HUNK: variants seen among roughly 807,000 people sequenced by gnomAD.
HUNK encodes hormonally up-regulated Neu-associated kinase, also known as hormonally up-regulated neu tumor-associated kinase.
A neutral mutation model predicts 61.0 loss-of-function variants in HUNK; 21 were observed. That is an observed-to-expected ratio of 0.34 (90% CI 0.24 to 0.50). The LOEUF (loss-of-function observed/expected upper bound fraction) is 0.50, where lower values mean the gene tolerates loss of function less well. HUNK is among the 20% of genes least tolerant of loss of function. The probability of loss-of-function intolerance (pLI) is 0.98; values close to 1 mark genes in which losing one functional copy is unlikely to be tolerated. For synonymous variants in HUNK, 371 were observed against 386.1 expected, an observed-to-expected ratio of 0.96 and a Z score of 0.46; for missense variants, 772 against 945.7, an observed-to-expected ratio of 0.82 and a Z score of 2.41.
At chr21:31,886,475 G>A (rs916514623) in intron 1 of HUNK, among the ~76,000 whole-genome samples, 9 of 151,744 alleles carry the variant, frequency 5.9e-5, no homozygotes, top group Admixed American at 2.6e-4. Context: ...GAGGTACTGG[G>A]GTTAGGACTC....
chr21:31,970,637 C>A (rs1042757315), intron 6 of HUNK, among the ~76,000 whole-genome samples: 17 of 152,104 alleles, frequency 1.1e-4, no homozygotes, highest in Admixed American at 7.9e-4. Flanking sequence ...ATGTAATCAC[C>A]GCCTAAATGA....
At chr21:31,966,956 C>T (rs1347891469) in intron 5 of HUNK, among the ~76,000 whole-genome samples, 2 of 152,178 alleles carry the variant, frequency 1.3e-5, no homozygotes, top group Admixed American at 6.5e-5. Flanking sequence ...ACAACTCAAG[C>T]AAGACAGACC....
At chr21:31,954,346 C>T (rs755141874) in intron 4 of HUNK, among the ~76,000 whole-genome samples, 2 of 152,152 alleles carry the variant, frequency 1.3e-5, no homozygotes, top group African/African-American at 2.4e-5. Flanking sequence ...AGAACGTTCT[C>T]GATAACTGTG....
At chr21:31,947,864 C>T (rs1022470577) in intron 4 of HUNK, among the ~76,000 whole-genome samples, 1 of 152,164 alleles carries the variant, frequency 6.6e-6, no homozygotes, top group African/African-American at 2.4e-5. Flanking sequence ...GAGAAAGACT[C>T]GTTTGCGTGA....
intron 1 of HUNK, among the ~76,000 whole-genome samples, chr21:31,903,997 C>CTACTAAAGAAATCACAG (rs2052487957): frequency 1.3e-5 from 2 of 152,080 alleles, no homozygotes; most frequent in Admixed American, 1.3e-4. Flanking sequence ...AAAGAAATAG[C>CTACTAAAGAAATCACAG]CCACTTGCTG....
At chr21:31,959,311 A>T (rs1416326616) in intron 5 of HUNK, among the ~76,000 whole-genome samples, 2 of 152,070 alleles carry the variant, frequency 1.3e-5, no homozygotes, top group Non-Finnish European at 2.9e-5. Context: ...CCATCTTATG[A>T]TGCTGACTTG....
chr21:31,935,061 G>C (rs553631132), intron 2 of HUNK, among the ~76,000 whole-genome samples: 6 of 152,230 alleles, frequency 3.9e-5, no homozygotes, highest in African/African-American at 1.2e-4. Context: ...TTTGATCACT[G>C]TTGAGTAGCT....
intron 9 of HUNK, among the ~76,000 whole-genome samples, chr21:31,994,521 G>A (rs1481148733): frequency 6.6e-6 from 1 of 152,202 alleles, no homozygotes; most frequent in Admixed American, 6.5e-5. Context: ...GGGCAAAAAT[G>A]TGAAAAAGAA....
Position 31,943,457 on chromosome 21 carries a change from G to A in HUNK, c.611-2579G>A, listed in dbSNP as rs190341645. ...CAGACCCATGTGACATTGCTGGGAG[G>A]TGGCCTTCTCTCAAGTTCCACAATT... On this transcript the variant is annotated intron_variant, in intron 3 of 10. Transcript: ENST00000270112. Among the ~76,000 whole-genome samples, 109 of 152,316 alleles carry A rather than the reference G, an allele frequency of 7.2e-4. 2 individuals carry two copies. Among genetic ancestry groups the A allele is most frequent in the Middle Eastern group, 6.8e-3 (2 of 294 alleles).
At chr21:31,900,880 A>G (rs1024734859) in intron 1 of HUNK, among the ~76,000 whole-genome samples, 4 of 152,094 alleles carry the variant, frequency 2.6e-5, no homozygotes, top group African/African-American at 9.7e-5. Context: ...ACCTTAGAAC[A>G]ACGGAAACTG....
intron 3 of HUNK, among the ~76,000 whole-genome samples, chr21:31,944,959 A>C (rs2052792202): frequency 6.6e-6 from 1 of 152,232 alleles, no homozygotes; most frequent in Admixed American, 6.5e-5. Flanking sequence ...CAACGTTCCT[A>C]ATGGTCATGT....
chr21:31,987,343 G>A (rs1431530173), intron 8 of HUNK, among the ~76,000 whole-genome samples: 3 of 152,174 alleles, frequency 2.0e-5, no homozygotes, highest in African/African-American at 7.2e-5. Context: ...TTCCTGCCTC[G>A]TGCTTTGCAT....
At chr21:31,914,321 T>C (rs968250893) in intron 1 of HUNK, among the ~76,000 whole-genome samples, 44 of 140,578 alleles carry the variant, frequency 3.1e-4, no homozygotes, top group African/African-American at 1.0e-3. Context: ...GGCAGGAGAA[T>C]CGCTTGAACC....
intron 1 of HUNK, among the ~76,000 whole-genome samples, chr21:31,911,874 T>G (rs1817384562): frequency 6.6e-6 from 1 of 152,064 alleles, no homozygotes; most frequent in South Asian, 2.1e-4. Context: ...AGTCACACTT[T>G]TAGGAAGTGA....
intron 1 of HUNK, among the ~76,000 whole-genome samples, chr21:31,877,240 G>T (rs2052270273): frequency 6.6e-6 from 1 of 152,176 alleles, no homozygotes; most frequent in African/African-American, 2.4e-5. Context: ...GTGTGTGTGT[G>T]TGTGTAGCGT....
chr21:32,003,261 T>C lies in HUNK; in HGVS notation c.*4077T>C, dbSNP rs777621045. On this transcript the variant is annotated 3_prime_UTR_variant, in exon 11 of 11. Coordinates refer to ENST00000270112, the MANE Select transcript of HUNK (RefSeq NM_014586.2). ...GCAGCTTCCTGAACCTTATGCTGTTTGTCCCATCCACTCTTGAAGCTGGGG... is the reference window on the plus strand; with the variant it reads ...GCAGCTTCCTGAACCTTATGCTGTTCGTCCCATCCACTCTTGAAGCTGGGG... The C allele has an allele frequency of 4.6e-5, 7 of 152,234 alleles. No individual in the cohort carries two copies. Among genetic ancestry groups the C allele is most frequent in the Non-Finnish European group, 7.3e-5 (5 of 68,040 alleles). The allele number at this position is 152,234 out of a possible 1,614,324, so 9.4% of individuals were successfully genotyped here.
chr21:31,911,463 T>C (rs2052545123), intron 1 of HUNK, among the ~76,000 whole-genome samples: 1 of 152,134 alleles, frequency 6.6e-6, no homozygotes, highest in African/African-American at 2.4e-5. Flanking sequence ...AACACCCCTG[T>C]TTCTGCTGCT....
Position 31,983,627 on chromosome 21 carries a change from C to T in HUNK, c.1257+18C>T. On this transcript the variant is annotated intron_variant, in intron 8 of 10. Transcript: ENST00000270112. The stretch of plus-strand genomic sequence containing the variant: ...CCTATGAGGTGAGTGACCCCTGAAG[C>T]AAACCTCAGGGTCTCTTAGGAAGGG... 6.4e-7 allele frequency: 1 copy of T among 1,562,978 alleles called. No homozygotes were observed. The highest frequency in any genetic ancestry group is 8.8e-7 in the Non-Finnish European group (1 of 1,135,104).
At position 31,917,691 on chromosome 21, in the gene HUNK, A is replaced by AACAC. The variant is rs1323303977; in HGVS notation, c.262-6774_262-6773insCACA. ...TACCCTCCTGAAACTCCCATTCCCAAACATACACACACACACACACACACA... is the reference window on the plus strand; with the variant it reads ...TACCCTCCTGAAACTCCCATTCCCAAACACACATACACACACACACACACACACA... On this transcript the variant is annotated intron_variant, in intron 1 of 10. Transcript: ENST00000270112. 1.9e-3 allele frequency among the ~76,000 whole-genome samples: 105 copies of AACAC among 54,622 alleles called. 3 individuals carry two copies. The highest frequency in any genetic ancestry group is 4.6e-3 in the African/African-American group (79 of 17,066). 35.8% of individuals were successfully genotyped at this position (54,622 alleles called of 152,430 possible).
Sources: gnomAD v4.1 joint callset for allele counts (sites outside exome capture counted in the v4.1 genomes callset) on GRCh38, gnomAD v4.1.1 for gene constraint, MANE v1.5 for transcripts, NCBI Gene and HGNC (gene_info 2026-07-23, HGNC 2026-07-21) for gene names.